Variants in DNAAF3 observed in about 807,000 individuals in gnomAD.
DNAAF3 encodes UPF0470 protein C19orf51.
DNAAF3 carries 40 observed loss-of-function variants against 50.9 expected under a neutral mutation model. The observed-to-expected ratio is 0.79, with a 90% confidence interval of 0.61 to 1.02. DNAAF3 has a LOEUF of 1.02. DNAAF3 is among the 50% of genes least tolerant of loss of function. The pLI is 0.00. For synonymous variants in DNAAF3, 327 were observed against 322.8 expected, an observed-to-expected ratio of 1.01 and a Z score of -0.14; for missense variants, 763 against 744.7, an observed-to-expected ratio of 1.02 and a Z score of -0.29.
Position 55,166,472 on chromosome 19 carries a change from A to G in DNAAF3, c.-5+51T>C, listed in dbSNP as rs374684540. 1.2e-6 allele frequency: 2 copies of G among 1,611,082 alleles called. No individual in the cohort carries two copies. Among genetic ancestry groups the G allele is most frequent in the Non-Finnish European group, 1.7e-6 (2 of 1,178,198 alleles). The stretch of plus-strand genomic sequence containing the variant: ...ACATTGCCCGCCCCGCTCCCCTCTC[A>G]CCGCCCCTCACTTCTCGCCCCTTTG... On this transcript the variant is annotated intron_variant, in intron 1 of 11. Transcript: ENST00000524407. This position sits in a 1 kb window ranked among gnomAD's most constrained non-coding sequence, Gnocchi z 4.0.
rs755292804 is a variant in DNAAF3 at position 55,160,048 on chromosome 19, G to C, written c.1049-35C>G. On this transcript the variant is annotated intron_variant, in intron 9 of 11. Transcript: ENST00000524407. The surrounding 1 kb of genome is among the most constrained non-coding windows in gnomAD (Gnocchi z 4.7). ...GGGGATAGAGGGGTCACCTCTGACA[G>C]GCGGAGCCATAAGGGCGGAAAACCA... The C allele has an allele frequency of 6.9e-7, 1 of 1,459,542 alleles. No individual in the cohort carries two copies. Among genetic ancestry groups the C allele is most frequent in the South Asian group, 1.1e-5 (1 of 87,632 alleles). 90.4% of individuals were successfully genotyped at this position (1,459,542 alleles called of 1,614,324 possible). A position where few individuals can be genotyped will look rare whatever the true frequency, so the allele number is the denominator to read the frequency against.
At chr19:55,165,772 A>C (rs1039477052) in intron 3 of DNAAF3, 86 bp downstream of exon 3, 1 of 1,546,304 alleles carries the variant, frequency 6.5e-7, no homozygotes, top group African/African-American at 1.4e-5. Context: ...CAGCCCCTTC[A>C]TTCCTGGACC....
chr19:55,160,781 A>T lies in DNAAF3; in HGVS notation c.913-6T>A. On this transcript the variant is annotated splice_polypyrimidine_tract_variant and splice_region_variant and intron_variant, in intron 8 of 11. Transcript: ENST00000524407. This position sits in a 1 kb window ranked among gnomAD's most constrained non-coding sequence, Gnocchi z 4.7. Reference sequence around the variant, plus strand: ...TGAGTGATCTCCCCGGCCGTCTAACAGTAGAAGGGGCGTGGCCAGACGTCG... The same window carrying T: ...TGAGTGATCTCCCCGGCCGTCTAACTGTAGAAGGGGCGTGGCCAGACGTCG... The T allele has an allele frequency of 6.2e-7, 1 of 1,607,964 alleles. No homozygotes were observed. Among genetic ancestry groups the T allele is most frequent in the African/African-American group, 1.3e-5 (1 of 74,946 alleles).
chr19:55,164,186 C>T (rs1164734522), intron 4 of DNAAF3, among the ~76,000 whole-genome samples: 1 of 152,088 alleles, frequency 6.6e-6, no homozygotes, highest in East Asian at 1.9e-4. Flanking sequence ...GTCAATTAAA[C>T]CTCTTTTCTT....
In DNAAF3 at chr19:55,159,722, T is replaced by C. The variant is rs954128129; in HGVS notation, c.1164-115A>G. 4 of 1,575,938 alleles carry C rather than the reference T, an allele frequency of 2.5e-6. No homozygotes were observed. In the African/African-American group the frequency reaches 5.5e-5, roughly 22 times the overall value. On this transcript the variant is annotated intron_variant, in intron 10 of 11. Coordinates refer to ENST00000524407, the MANE Select transcript of DNAAF3 (RefSeq NM_001256715.2). ...GGTGGCAAAACTGGAGTCTGGGTCCTGGGGAAAGAAGGGAGCAGGAGGTCT... is the reference window on the plus strand; with the variant it reads ...GGTGGCAAAACTGGAGTCTGGGTCCCGGGGAAAGAAGGGAGCAGGAGGTCT...
chr19:55,159,659 G>C, intron 10 of DNAAF3, 52 bp from the exon 11 acceptor site: 7 of 1,609,910 alleles, frequency 4.3e-6, no homozygotes, highest in Non-Finnish European at 5.9e-6. Context: ...TCCGGAGGGA[G>C]GATGGGGCTC....
rs375786609 is a variant in DNAAF3 at position 55,162,315 on chromosome 19, G to A, written c.323-25C>T. The stretch of plus-strand genomic sequence containing the variant: ...TCTACGGAGAGAGGGAGATAATTGC[G>A]GGAATGTGTGGAGGAGGGAGCCCAG... On this transcript the variant is annotated intron_variant, in intron 4 of 11. Coordinates refer to ENST00000524407, the MANE Select transcript of DNAAF3 (RefSeq NM_001256715.2). 2.9e-3 allele frequency: 3,612 copies of A among 1,249,544 alleles called. 16 individuals are homozygous for A. The highest frequency in any genetic ancestry group is 2.2e-3 in the Non-Finnish European group (2,158 of 988,422). The allele number at this position is 1,249,544 out of a possible 1,614,324, so 77.4% of individuals were successfully genotyped here. A position where few individuals can be genotyped will look rare whatever the true frequency, so the allele number is the denominator to read the frequency against.
Position 55,158,841 on chromosome 19 carries a change from A to T in DNAAF3, c.*221T>A, listed in dbSNP as rs1223565871. The T allele has an allele frequency of 1.9e-6, 1 of 514,372 alleles. No homozygotes were observed. Among genetic ancestry groups the T allele is most frequent in the African/African-American group, 1.9e-5 (1 of 52,728 alleles). 31.9% of individuals were successfully genotyped at this position (514,372 alleles called of 1,614,324 possible). ...TAGAGCCTCAGAAGTGGAATTTGGA[A>T]TTCTGAGAGAACAATCTAGAATTCT... On this transcript the variant is annotated 3_prime_UTR_variant, in exon 12 of 12. Coordinates refer to ENST00000524407, the MANE Select transcript of DNAAF3 (RefSeq NM_001256715.2).
At position 55,161,307 on chromosome 19, in the gene DNAAF3, G is replaced by A. The variant is rs765974072; in HGVS notation, c.775C>T (p.Arg259Cys). 44 of 1,610,412 alleles carry A rather than the reference G, an allele frequency of 2.7e-5. No individual in the cohort carries two copies. The highest frequency in any genetic ancestry group is 1.7e-4 in the Admixed American group (10 of 59,598). ...HVPNRTLASG[R>C]LLSYRGERVA... ...TGGACACGCACGTAGCTCAGGAGGC[G>A]ACCGGACGCCAGGGTCCGGTTGGGC... Residue 259 changes from arginine to cysteine, a missense_variant, in exon 7 of 12, where the codon CGC (arginine) becomes TGC (cysteine). By Grantham distance (180) the Arg-to-Cys change is radical (BLOSUM62 -3). Transcript: ENST00000524407. The surrounding 1 kb of genome is among the most constrained non-coding windows in gnomAD (Gnocchi z 6.4).
At chr19:55,162,997 C>CTTTTTTTTTTTTTTT (rs576178532) in intron 4 of DNAAF3, among the ~76,000 whole-genome samples, 3 of 92,162 alleles carry the variant, frequency 3.3e-5, no homozygotes, top group Non-Finnish European at 4.3e-5. Context: ...TTTTCTTTTT[C>CTTTTTTTTTTTTTTT]TTTTTTTTTT....
chr19:55,158,770 C>A lies in DNAAF3; in HGVS notation c.*292G>T, dbSNP rs1273514546. On this transcript the variant is annotated 3_prime_UTR_variant, in exon 12 of 12. Coordinates refer to ENST00000524407, the MANE Select transcript of DNAAF3 (RefSeq NM_001256715.2). ...CACAGGGTGCCTGGGAACAAGGGGG[C>A]CAAAGTCAAGGGCCTGAGACTCAGT... The A allele has an allele frequency of 1.0e-5, 3 of 293,872 alleles. No individual in the cohort carries two copies. Among genetic ancestry groups the A allele is most frequent in the Non-Finnish European group, 1.9e-5 (3 of 157,990 alleles). The allele number at this position is 293,872 out of a possible 1,614,324, so 18.2% of individuals were successfully genotyped here.
Position 55,166,524 on chromosome 19 carries a change from T to C in DNAAF3, c.-6A>G. The C allele has an allele frequency of 6.2e-7, 1 of 1,614,074 alleles. No individual in the cohort carries two copies. The highest frequency in any genetic ancestry group is 8.5e-7 in the Non-Finnish European group (1 of 1,179,996). On this transcript the variant is annotated splice_region_variant and 5_prime_UTR_variant, in exon 1 of 12. Transcript: ENST00000524407. This position sits in a 1 kb window ranked among gnomAD's most constrained non-coding sequence, Gnocchi z 4.0. ...CTCCACATGATACCTTGCCCACACC[T>C]TTATCCTCCAAATATCCCGGGACGC...
At position 55,166,340 on chromosome 19, in the gene DNAAF3, A is replaced by G; in HGVS notation, c.74T>C (p.Leu25Pro). 1 of 1,613,540 alleles carries G rather than the reference A, an allele frequency of 6.2e-7. No homozygotes were observed. The highest frequency in any genetic ancestry group is 8.5e-7 in the Non-Finnish European group (1 of 1,179,816). Residue 25 changes from leucine to proline, a missense_variant, in exon 2 of 12, where the codon CTG becomes CCG. By Grantham distance (98) the Leu-to-Pro change is moderately conservative (BLOSUM62 -3). Coordinates refer to ENST00000524407, the MANE Select transcript of DNAAF3 (RefSeq NM_001256715.2). The surrounding 1 kb of genome is among the most constrained non-coding windows in gnomAD (Gnocchi z 4.0). ...GTGCTGGGACTCACTTTCAGCCTGC[A>G]GGTCCAGCGCCGGGGACAGGCCCCA... ...SWWGLSPALDLQAESPPVDPD... is the reference protein window; with the variant it reads ...SWWGLSPALDPQAESPPVDPD...
intron 4 of DNAAF3, among the ~76,000 whole-genome samples, chr19:55,165,052 C>T (rs1465360784): frequency 1.1e-5 from 1 of 95,172 alleles, no homozygotes; most frequent in African/African-American, 4.3e-5. Flanking sequence ...TTTTTTGAGA[C>T]GGAGTCTCGC....
At position 55,160,037 on chromosome 19, in the gene DNAAF3, C is replaced by G. The variant is rs773967298; in HGVS notation, c.1049-24G>C. 6.7e-7 allele frequency: 1 copy of G among 1,500,274 alleles called. No homozygotes were observed. Among genetic ancestry groups the G allele is most frequent in the Non-Finnish European group, 9.3e-7 (1 of 1,078,082 alleles). 92.9% of individuals were successfully genotyped at this position (1,500,274 alleles called of 1,614,324 possible). A position where few individuals can be genotyped will look rare whatever the true frequency, so the allele number is the denominator to read the frequency against. ...TGCTGGGGGAAGGGGATAGAGGGGT[C>G]ACCTCTGACAGGCGGAGCCATAAGG... On this transcript the variant is annotated intron_variant, in intron 9 of 11. Coordinates refer to ENST00000524407, the MANE Select transcript of DNAAF3 (RefSeq NM_001256715.2). The surrounding 1 kb of genome is among the most constrained non-coding windows in gnomAD (Gnocchi z 4.7).
Position 55,166,300 on chromosome 19 carries a change from T to C in DNAAF3, c.85+29A>G, listed in dbSNP as rs1428975030. On this transcript the variant is annotated intron_variant, in intron 2 of 11. Coordinates refer to ENST00000524407, the MANE Select transcript of DNAAF3 (RefSeq NM_001256715.2). This position sits in a 1 kb window ranked among gnomAD's most constrained non-coding sequence, Gnocchi z 4.0. ...CTGCTCAGGCTGGGAAGGCAGACGG[T>C]GTATCAGACCTTGCGTGCTGGGACT... 2 of 1,609,146 alleles carry C rather than the reference T, an allele frequency of 1.2e-6. No individual in the cohort carries two copies. The highest frequency in any genetic ancestry group is 1.1e-5 in the South Asian group (1 of 90,808).
At chr19:55,162,701 T>C (rs2085859602) in intron 4 of DNAAF3, 12 of 982,770 alleles carry the variant, frequency 1.2e-5, no homozygotes, top group Non-Finnish European at 1.5e-5. Context: ...TAAAAAATAA[T>C]ACAAATTGTA....
rs1434966270 is a variant in DNAAF3 at position 55,161,186 on chromosome 19, C to G, written c.791G>C (p.Arg264Pro). The change falls in exon 8 of 12, where the codon CGT (arginine) becomes CCT (proline). Residue 264 changes from arginine (R) to proline (P), a missense_variant and splice_region_variant. Transcript: ENST00000524407. This position sits in a 1 kb window ranked among gnomAD's most constrained non-coding sequence, Gnocchi z 6.4. ...CCCGCGCGCTGCCACGCGCTCCCCA[C>G]GCTGGAAAAGGAGGGAGAGAGGAGG... ...TLASGRLLSY[R>P]GERVAARGYW... 2.5e-6 allele frequency: 4 copies of G among 1,575,440 alleles called. No individual in the cohort carries two copies. The highest frequency in any genetic ancestry group is 3.4e-4 in the Middle Eastern group (2 of 5,840).
At chr19:55,166,662 AC>A, upstream of DNAAF3, 4 of 1,606,584 alleles carry the variant, frequency 2.5e-6, no homozygotes, top group South Asian at 4.4e-5. This position sits in a 1 kb window ranked among gnomAD's most constrained non-coding sequence, Gnocchi z 4.0. Context: ...GGATGGGACC[AC>A]AGCGAGCAAC....
Sources: gnomAD v4.1 joint callset for allele counts (sites outside exome capture counted in the v4.1 genomes callset) on GRCh38, gnomAD v4.1.1 for gene constraint, Gnocchi (gnomAD v3.1) non-coding constraint, MANE v1.5 for transcripts, NCBI Gene and HGNC (gene_info 2026-07-23, HGNC 2026-07-21) for gene names.